DOCK1: variants seen among roughly 807,000 people sequenced by gnomAD.
The protein encoded by DOCK1 is dedicator of cytokinesis protein 1.
Under a neutral mutation model 262.7 loss-of-function variants are expected in DOCK1, and 138 were observed. The observed-to-expected ratio is 0.53, with a 90% CI of 0.46 to 0.61. The LOEUF (loss-of-function observed/expected upper bound fraction) is 0.61. DOCK1 is among the 20% of genes least tolerant of loss of function. The probability of loss-of-function intolerance (pLI) is 0.00; values close to 1 mark genes in which losing one functional copy is unlikely to be tolerated. For missense variants in DOCK1, 1,908 were observed against 2,370.7 expected (o/e 0.80, Z 4.05); for synonymous variants, 866 against 867.4 (o/e 1.00, Z 0.03).
chr10:127,110,699 C>A (rs1266715696), intron 25 of DOCK1, among the ~76,000 whole-genome samples: 1 of 152,154 alleles, frequency 6.6e-6, no homozygotes, highest in Non-Finnish European at 1.5e-5. Flanking sequence ...GAAAAGAATT[C>A]GAGTTTTCTT....
intron 29 of DOCK1, among the ~76,000 whole-genome samples, chr10:127,310,879 G>T (rs2062039887): frequency 6.6e-6 from 1 of 151,690 alleles, no homozygotes; most frequent in Non-Finnish European, 1.5e-5. Flanking sequence ...AAGAAGAAAA[G>T]AAAAAAAAGG....
At chr10:127,278,045 C>T (rs539178125) in intron 29 of DOCK1, among the ~76,000 whole-genome samples, 7 of 151,718 alleles carry the variant, frequency 4.6e-5, no homozygotes, top group East Asian at 3.9e-4. Flanking sequence ...CTAATCCATG[C>T]GCACACGCTT....
chr10:126,919,723 C>T (rs551280110), intron 1 of DOCK1, among the ~76,000 whole-genome samples: 12 of 152,176 alleles, frequency 7.9e-5, no homozygotes, highest in Non-Finnish European at 1.6e-4. Flanking sequence ...TGCAGTTCTG[C>T]GACATGCTTC....
At position 127,052,728 on chromosome 10, in the gene DOCK1, C is replaced by T. The variant is rs757101826; in HGVS notation, c.2249C>T (p.Pro750Leu). ...AACTACGTGGACGGTGCTGAGAAGC[C>T]GGGAGTAAATGAGCAGCTGTACAAA... ...LKNYVDGAEK[P>L]GVNEQLYKAM... The change falls in exon 22 of 52, where the codon CCG becomes CTG. Residue 750 changes from proline (P) to leucine (L), a missense_variant. Transcript: ENST00000623213. The T allele has an allele frequency of 8.7e-6, 14 of 1,613,634 alleles. No homozygotes were observed. The African/African-American group carries it at 9.4e-5, about 11-fold the overall frequency.
At chr10:126,926,112 G>C (rs1420128122) in intron 1 of DOCK1, among the ~76,000 whole-genome samples, 1 of 152,096 alleles carries the variant, frequency 6.6e-6, no homozygotes, top group African/African-American at 2.4e-5. Flanking sequence ...TGATGTGATA[G>C]GGGTAAAATG....
In DOCK1 at chr10:127,024,700, G is replaced by C. The variant is rs1215503619; in HGVS notation, c.1468G>C (p.Gly490Arg). Residue 490 changes from glycine (G) to arginine (R), a missense_variant, in exon 15 of 52, where the codon GGT becomes CGT. Physicochemically the swap from Gly to Arg is moderately radical, Grantham distance 125 (BLOSUM62 -2). Coordinates refer to ENST00000623213, the MANE Select transcript of DOCK1 (RefSeq NM_001290223.2). Reference protein sequence around the residue: ...GKRLEHVIFPGAGDEAISEYK... With the variant: ...GKRLEHVIFPRAGDEAISEYK... ...TCTTTTAAAGCATGTGATTTTCCCG[G>C]GTGCTGGTGATGAAGCGATTTCAGA... 1.2e-6 allele frequency: 2 copies of C among 1,611,334 alleles called. No homozygotes were observed. Among genetic ancestry groups the C allele is most frequent in the Middle Eastern group, 1.7e-4 (1 of 6,060 alleles).
chr10:127,434,898 C>T (rs543016179), intron 48 of DOCK1, among the ~76,000 whole-genome samples: 17 of 152,204 alleles, frequency 1.1e-4, no homozygotes, highest in Middle Eastern at 3.4e-3. Flanking sequence ...ATGATCCGCC[C>T]GCCTCGGCCT....
intron 23 of DOCK1, among the ~76,000 whole-genome samples, chr10:127,079,695 C>T (rs952839699): frequency 1.3e-5 from 2 of 152,164 alleles, no homozygotes; most frequent in East Asian, 3.9e-4. Context: ...CTTTGGGAGG[C>T]CGAGGAGGGC....
chr10:127,132,133 T>TA (rs2050362777), intron 27 of DOCK1, among the ~76,000 whole-genome samples: 1 of 152,210 alleles, frequency 6.6e-6, no homozygotes, highest in Non-Finnish European at 1.5e-5. Flanking sequence ...ACTTCACACT[T>TA]AATTAGATAA....
intron 38 of DOCK1, among the ~76,000 whole-genome samples, chr10:127,393,470 C>T (rs2066621936): frequency 6.6e-6 from 1 of 152,162 alleles, no homozygotes; most frequent in African/African-American, 2.4e-5. Flanking sequence ...TAGGGGCTTC[C>T]AGAATCCAGG....
At chr10:127,164,525 A>G (rs1012158758) in intron 27 of DOCK1, among the ~76,000 whole-genome samples, 6 of 152,098 alleles carry the variant, frequency 3.9e-5, no homozygotes, top group African/African-American at 1.4e-4. Flanking sequence ...GCCCTGTCCC[A>G]GCAACTTGTA....
At chr10:127,412,221 C>T (rs573948128) in intron 43 of DOCK1, among the ~76,000 whole-genome samples, 2 of 152,294 alleles carry the variant, frequency 1.3e-5, no homozygotes, top group East Asian at 3.9e-4. Flanking sequence ...CTCAGCCTCC[C>T]AAAGTGCTGG....
chr10:127,253,816 G>C (rs571124454), intron 28 of DOCK1, among the ~76,000 whole-genome samples: 1 of 145,922 alleles, frequency 6.9e-6, no homozygotes, highest in African/African-American at 2.5e-5. Context: ...TTGAGGCTGC[G>C]GTGAGCTAAG....
intron 27 of DOCK1, among the ~76,000 whole-genome samples, chr10:127,165,469 T>C (rs1469613833): frequency 6.6e-6 from 1 of 152,214 alleles, no homozygotes; most frequent in Non-Finnish European, 1.5e-5. Flanking sequence ...GACATACTGA[T>C]AGAAAAAACT....
chr10:127,104,065 A>G (rs932608381), intron 23 of DOCK1, among the ~76,000 whole-genome samples: 12 of 152,172 alleles, frequency 7.9e-5, no homozygotes, highest in Non-Finnish European at 1.6e-4. Flanking sequence ...CCATCCATCT[A>G]TCTTCTATGG....
At chr10:127,313,045 G>A (rs955844000) in intron 29 of DOCK1, among the ~76,000 whole-genome samples, 1 of 152,106 alleles carries the variant, frequency 6.6e-6, no homozygotes, top group African/African-American at 2.4e-5. Context: ...TGAAGCTCTG[G>A]GCTCCCTTGA....
Position 126,939,071 on chromosome 10 carries a change from ACACCGGAGGGGACGAG to A in DOCK1, c.47-31618_47-31603del, listed in dbSNP as rs1347284550. ...GGGATGAACACCGGGGGGGGGACGA[ACACCGGAGGGGACGAG>A]CACCGGAGGGGATGAACACAGGAGG... On this transcript the variant is annotated intron_variant, in intron 1 of 51. Transcript: ENST00000623213. Among the ~76,000 whole-genome samples, 13 of 142,654 alleles carry A rather than the reference ACACCGGAGGGGACGAG, an allele frequency of 9.1e-5. No homozygotes were observed. The East Asian group carries it at 2.9e-3, about 32-fold the overall frequency. 93.6% of individuals were successfully genotyped at this position (142,654 alleles called of 152,430 possible).
chr10:126,948,708 T>C (rs926394247), intron 1 of DOCK1, among the ~76,000 whole-genome samples: 1 of 152,012 alleles, frequency 6.6e-6, no homozygotes, highest in Non-Finnish European at 1.5e-5. Context: ...GAGCCTGTGA[T>C]GCGGGCGCCC....
chr10:127,364,227 A>G (rs2064765505), intron 33 of DOCK1, among the ~76,000 whole-genome samples: 1 of 152,206 alleles, frequency 6.6e-6, no homozygotes, highest in African/African-American at 2.4e-5. Context: ...GGAGATGAAC[A>G]GAGTCTGACT....
Sources: gnomAD v4.1 joint callset for allele counts (sites outside exome capture counted in the v4.1 genomes callset) on GRCh38, gnomAD v4.1.1 for gene constraint, MANE v1.5 for transcripts, NCBI Gene and HGNC (gene_info 2026-07-23, HGNC 2026-07-21) for gene names.